Variants in CNTN4 observed in about 807,000 individuals in gnomAD.
CNTN4 encodes contactin-4.
CNTN4 carries 77 observed loss-of-function variants against 122.5 expected under a neutral mutation model. The ratio of observed to expected loss-of-function variants is 0.63; its 90% CI spans 0.52 to 0.76. The LOEUF (loss-of-function observed/expected upper bound fraction) is 0.76. CNTN4 is among the 30% of genes least tolerant of loss of function. CNTN4 has a pLI of 0.00. For missense variants in CNTN4, 1,256 were observed against 1,259.1 expected (o/e 1.00, Z 0.04); for synonymous variants, 512 against 447.0 (o/e 1.15, Z -1.83).
chr3:2,236,389 A>T (rs1240984811), intron 2 of CNTN4, among the ~76,000 whole-genome samples: 1 of 152,210 alleles, frequency 6.6e-6, no homozygotes, highest in Non-Finnish European at 1.5e-5. Context: ...GCTTGATATA[A>T]AGTCTAAATG....
chr3:2,542,558 G>C (rs1200388198), intron 3 of CNTN4, among the ~76,000 whole-genome samples: 1 of 152,092 alleles, frequency 6.6e-6, no homozygotes, highest in Admixed American at 6.6e-5. Context: ...CGCTGATATA[G>C]TACAAATTTT....
intron 12 of CNTN4, among the ~76,000 whole-genome samples, chr3:2,909,379 C>G (rs1362592494): frequency 6.6e-6 from 1 of 151,540 alleles, no homozygotes; most frequent in Non-Finnish European, 1.5e-5. Flanking sequence ...ACGTGAAAGC[C>G]TTTGCAAACC....
chr3:2,645,796 A>G (rs558473661), intron 4 of CNTN4, among the ~76,000 whole-genome samples: 3 of 152,326 alleles, frequency 2.0e-5, no homozygotes, highest in South Asian at 2.1e-4. Flanking sequence ...CCTTGCCTCA[A>G]TACCCAATAA....
At chr3:2,514,276 C>T (rs1456481157) in intron 3 of CNTN4, among the ~76,000 whole-genome samples, 1 of 152,070 alleles carries the variant, frequency 6.6e-6, no homozygotes, top group South Asian at 2.1e-4. Flanking sequence ...CCCTCCTTAA[C>T]AGCTTAGGGC....
At chr3:2,488,376 A>G (rs778699086) in intron 3 of CNTN4, among the ~76,000 whole-genome samples, 5 of 152,184 alleles carry the variant, frequency 3.3e-5, no homozygotes, top group Non-Finnish European at 5.9e-5. Context: ...TGGGTACTCC[A>G]GTTTCCTCCC....
chr3:2,403,249 A>G (rs2046921824), intron 3 of CNTN4, among the ~76,000 whole-genome samples: 1 of 152,102 alleles, frequency 6.6e-6, no homozygotes, highest in Non-Finnish European at 1.5e-5. Context: ...CTTACACTAG[A>G]TATAACCTCA....
At chr3:2,721,343 A>T (rs998314104) in intron 4 of CNTN4, among the ~76,000 whole-genome samples, 2 of 152,206 alleles carry the variant, frequency 1.3e-5, no homozygotes, top group South Asian at 4.1e-4. Context: ...GAAACAAATC[A>T]TGGTAGTGGC....
chr3:2,862,588 A>C (rs972254126), intron 7 of CNTN4, among the ~76,000 whole-genome samples: 1 of 152,188 alleles, frequency 6.6e-6, no homozygotes, highest in Non-Finnish European at 1.5e-5. Context: ...CAGTTGTTAA[A>C]AATTGCCAAT....
intron 3 of CNTN4, among the ~76,000 whole-genome samples, chr3:2,504,403 C>T (rs1226815605): frequency 6.6e-6 from 1 of 152,074 alleles, no homozygotes; most frequent in Non-Finnish European, 1.5e-5. Context: ...CTTCAGAAGC[C>T]TAGTATTTCC....
rs976293269 is a variant in CNTN4, at chr3:2,385,316, C to G, written c.-89+46083C>G. 1.3e-5 allele frequency among the ~76,000 whole-genome samples: 2 copies of G among 151,272 alleles called. No individual in the cohort carries two copies. Among genetic ancestry groups the G allele is most frequent in the African/African-American group, 2.4e-5 (1 of 41,350 alleles). On this transcript the variant is annotated intron_variant, in intron 3 of 24. Transcript: ENST00000418658. This position sits in a 1 kb window ranked among gnomAD's most constrained non-coding sequence, Gnocchi z 4.0. ...CTTAAAACTCTCCCAACAAACAATA[C>G]CTGTTTATAGTTTTGTTTATATTAC...
At chr3:2,177,656 T>TTGTG (rs60145608) in intron 2 of CNTN4, among the ~76,000 whole-genome samples, 3,373 of 147,500 alleles carry the variant, frequency 0.023, 67 homozygotes, top group East Asian at 0.083. Context: ...GTGTGTGTGT[T>TTGTG]TGTGTGTGTG....
At chr3:2,164,593 C>T (rs1221440362) in intron 2 of CNTN4, among the ~76,000 whole-genome samples, 1 of 151,930 alleles carries the variant, frequency 6.6e-6, no homozygotes, top group Non-Finnish European at 1.5e-5. Context: ...TTTTGAATTC[C>T]AAGGTAAAGA....
chr3:2,170,098 G>A (rs1209053485), intron 2 of CNTN4, among the ~76,000 whole-genome samples: 1 of 151,742 alleles, frequency 6.6e-6, no homozygotes, highest in African/African-American at 2.4e-5. Context: ...GAGGCGGGAG[G>A]ATCACAAGGT....
chr3:2,590,314 T>C (rs927652508), intron 4 of CNTN4, among the ~76,000 whole-genome samples: 1 of 152,184 alleles, frequency 6.6e-6, no homozygotes, highest in Non-Finnish European at 1.5e-5. Context: ...TGGAGTGCAG[T>C]GGCACGATCT....
At chr3:2,113,063 T>C (rs2033084585) in intron 2 of CNTN4, among the ~76,000 whole-genome samples, 1 of 152,212 alleles carries the variant, frequency 6.6e-6, no homozygotes, top group Non-Finnish European at 1.5e-5. Flanking sequence ...ATTCAGCCAA[T>C]TCTGCTTTCT....
chr3:2,237,775 C>G (rs2039741517), intron 2 of CNTN4, among the ~76,000 whole-genome samples: 1 of 152,062 alleles, frequency 6.6e-6, no homozygotes, highest in Admixed American at 6.5e-5. Flanking sequence ...TTTTTATGAT[C>G]TGATGAAATT....
chr3:2,610,448 A>T (rs1421606165), intron 4 of CNTN4, among the ~76,000 whole-genome samples: 6 of 152,236 alleles, frequency 3.9e-5, no homozygotes, highest in Non-Finnish European at 8.8e-5. Flanking sequence ...TGATTCAGTC[A>T]GTCAGTTCTG....
At chr3:2,902,132 G>A (rs928708205) in intron 11 of CNTN4, among the ~76,000 whole-genome samples, 9 of 152,056 alleles carry the variant, frequency 5.9e-5, no homozygotes, top group East Asian at 5.8e-4. Flanking sequence ...ACAACCCTGC[G>A]GCAAACAGAA....
rs148941251 is a variant in CNTN4 at position 2,890,502 on chromosome 3, C to G, written c.940+3278C>G. On this transcript the variant is annotated intron_variant, in intron 10 of 24. Coordinates refer to ENST00000418658, the MANE Select transcript of CNTN4 (RefSeq NM_175607.3). ...GCTTAGAAACCTGCTTCTTTGGGTT[C>G]CAGGTTGTTTATTGCATTCATCAGC... 1.4e-3 allele frequency among the ~76,000 whole-genome samples: 218 copies of G among 152,276 alleles called. 1 individual carries two copies. Among genetic ancestry groups the G allele is most frequent in the African/African-American group, 5.1e-3 (210 of 41,548 alleles).
Sources: gnomAD v4.1 joint callset for allele counts (sites outside exome capture counted in the v4.1 genomes callset) on GRCh38, gnomAD v4.1.1 for gene constraint, Gnocchi (gnomAD v3.1) non-coding constraint, MANE v1.5 for transcripts, NCBI Gene and HGNC (gene_info 2026-07-23, HGNC 2026-07-21) for gene names.